Variants in CSMD1 observed in about 807,000 individuals in gnomAD.
The protein encoded by CSMD1 is CUB and sushi domain-containing protein 1.
In CSMD1, 213 loss-of-function variants were observed where a neutral mutation model predicts 417.5. The observed-to-expected ratio is 0.51, with a 90% CI of 0.46 to 0.57. The LOEUF (loss-of-function observed/expected upper bound fraction) is 0.57. CSMD1 is among the 20% of genes least tolerant of loss of function. The probability of loss-of-function intolerance (pLI) is 0.00; values close to 1 mark genes in which losing one functional copy is unlikely to be tolerated. For synonymous variants in CSMD1, 2,862 were observed against 1,736.8 expected (o/e 1.65, Z -16.11); for missense variants, 6,923 against 4,529.7 (o/e 1.53, Z -15.17).
intron 48 of CSMD1, among the ~76,000 whole-genome samples, chr8:3,088,582 T>C (rs542275487): frequency 6.6e-6 from 1 of 152,238 alleles, no homozygotes; most frequent in East Asian, 1.9e-4. Context: ...CTACGAGAAG[T>C]GTCCTCAGAA....
intron 2 of CSMD1, among the ~76,000 whole-genome samples, chr8:4,576,530 G>T (rs4875362): frequency 0.03 from 4,599 of 152,236 alleles, 116 homozygotes; most frequent in Non-Finnish European, 0.043. Context: ...TACCAAGATA[G>T]CAAGGACTGT....
chr8:4,536,590 G>A (rs901691047), intron 2 of CSMD1, among the ~76,000 whole-genome samples: 3 of 152,154 alleles, frequency 2.0e-5, no homozygotes, highest in African/African-American at 4.8e-5. Context: ...TGGATATCCT[G>A]CCGTTTAGTG....
At chr8:3,545,669 G>A (rs879617330) in intron 10 of CSMD1, among the ~76,000 whole-genome samples, 45 of 152,170 alleles carry the variant, frequency 3.0e-4, no homozygotes, top group African/African-American at 9.7e-4. Flanking sequence ...TACAGACACT[G>A]CCTTTGGCAA....
At chr8:3,956,446 G>A (rs138808149) in intron 5 of CSMD1, among the ~76,000 whole-genome samples, 2 of 152,136 alleles carry the variant, frequency 1.3e-5, no homozygotes, top group Admixed American at 1.3e-4. Flanking sequence ...CTGTTGCCTT[G>A]TGATAGCTTG....
intron 6 of CSMD1, among the ~76,000 whole-genome samples, chr8:3,736,412 G>C (rs1407869785): frequency 6.7e-6 from 1 of 149,626 alleles, no homozygotes; most frequent in Non-Finnish European, 1.5e-5. Flanking sequence ...CATGGCTAAT[G>C]TAAAAAAAAA....
At chr8:4,183,691 G>C (rs923318123) in intron 3 of CSMD1, among the ~76,000 whole-genome samples, 2 of 152,166 alleles carry the variant, frequency 1.3e-5, no homozygotes, top group African/African-American at 2.4e-5. Context: ...TGTGAGCAGA[G>C]AAATTTAAAA....
rs180971190 is a variant in CSMD1, at chr8:3,947,034, G to C, written c.818+50869C>G. The stretch of plus-strand genomic sequence containing the variant: ...TAATCTCTATGTCTGTATTTTTCTT[G>C]TTCATGGCACTTGCTTGGTAACTTC... On this transcript the variant is annotated intron_variant, in intron 5 of 69. Transcript: ENST00000635120. 8.0e-4 allele frequency among the ~76,000 whole-genome samples: 121 copies of C among 152,160 alleles called. 1 individual carries two copies. The highest frequency in any genetic ancestry group is 1.4e-3 in the Non-Finnish European group (96 of 67,984).
chr8:4,912,807 A>G (rs1424664389), intron 1 of CSMD1, among the ~76,000 whole-genome samples: 1 of 149,872 alleles, frequency 6.7e-6, no homozygotes, highest in Admixed American at 6.7e-5. Context: ...GAGGGGGGGC[A>G]CAGAGTCTTG....
intron 2 of CSMD1, among the ~76,000 whole-genome samples, chr8:4,479,285 C>T (rs1328247620): frequency 2.0e-5 from 3 of 152,084 alleles, no homozygotes; most frequent in Admixed American, 6.5e-5. Flanking sequence ...CATTTGTTTG[C>T]TTGTGAATGT....
At chr8:3,538,829 C>G (rs1207068859) in intron 10 of CSMD1, among the ~76,000 whole-genome samples, 2 of 152,178 alleles carry the variant, frequency 1.3e-5, no homozygotes, top group African/African-American at 4.8e-5. Context: ...AATGTCTCCT[C>G]TCACCTGGAG....
intron 50 of CSMD1, 102 bp downstream of exon 50, chr8:3,052,360 G>C (rs939608073): frequency 2.7e-6 from 2 of 742,720 alleles, no homozygotes; most frequent in Non-Finnish European, 4.4e-6. Flanking sequence ...TCCTCACAAG[G>C]TGTGGGAGAG....
In CSMD1 at chr8:4,341,733, G is replaced by C. The variant is rs542245759; in HGVS notation, c.415+78220C>G. Among the ~76,000 whole-genome samples the C allele has an allele frequency of 3.3e-5, 5 of 152,224 alleles. No homozygotes were observed. In the South Asian group the frequency reaches 1.0e-3, roughly 32 times the overall value. Reference sequence around the variant, plus strand: ...GTCAATATGTTTTTTCAACAAATTAGAATTAGGCAGTTAGGGTGCATTAAT... The same window carrying C: ...GTCAATATGTTTTTTCAACAAATTACAATTAGGCAGTTAGGGTGCATTAAT... On this transcript the variant is annotated intron_variant, in intron 3 of 69. Transcript: ENST00000635120.
At chr8:3,204,345 A>G (rs893114521) in intron 31 of CSMD1, among the ~76,000 whole-genome samples, 1 of 152,272 alleles carries the variant, frequency 6.6e-6, no homozygotes, top group African/African-American at 2.4e-5. Flanking sequence ...TCATGTTTCC[A>G]TGAACAGAAG....
intron 1 of CSMD1, among the ~76,000 whole-genome samples, chr8:4,860,942 G>A (rs1802095349): frequency 6.6e-6 from 1 of 152,022 alleles, no homozygotes; most frequent in Non-Finnish European, 1.5e-5. Flanking sequence ...CTTCAGCTCT[G>A]ATATCCTCAG....
chr8:3,668,597 CA>C (rs1798826373), intron 7 of CSMD1, among the ~76,000 whole-genome samples: 4 of 152,082 alleles, frequency 2.6e-5, no homozygotes, highest in South Asian at 4.2e-4. Flanking sequence ...AGAAAATATG[CA>C]AAAGAGACGA....
At chr8:4,512,760 T>C (rs1290158366) in intron 2 of CSMD1, among the ~76,000 whole-genome samples, 2 of 150,664 alleles carry the variant, frequency 1.3e-5, no homozygotes, top group African/African-American at 4.9e-5. Flanking sequence ...TGAAGAACTC[T>C]ATAAAACTCT....
chr8:4,027,498 A>T (rs535534890), intron 4 of CSMD1, among the ~76,000 whole-genome samples: 1 of 152,174 alleles, frequency 6.6e-6, no homozygotes. Flanking sequence ...ATGGCTTTAT[A>T]AGGGTCTTTC....
At chr8:4,321,781 A>G (rs1248376271) in intron 3 of CSMD1, among the ~76,000 whole-genome samples, 7 of 151,904 alleles carry the variant, frequency 4.6e-5, no homozygotes, top group Admixed American at 6.6e-5. Context: ...AAAATTTACA[A>G]TTTTTTTTCT....
At chr8:3,762,072 T>A (rs1209676886) in intron 5 of CSMD1, among the ~76,000 whole-genome samples, 1 of 152,098 alleles carries the variant, frequency 6.6e-6, no homozygotes, top group Non-Finnish European at 1.5e-5. Flanking sequence ...GAAAAAATAA[T>A]TTCTAGTCTC....
Sources: allele counts gnomAD v4.1 joint callset (sites outside exome capture counted in the v4.1 genomes callset), GRCh38; gene constraint gnomAD v4.1.1; transcripts MANE v1.5; gene names NCBI Gene and HGNC (gene_info 2026-07-23, HGNC 2026-07-21).